DNAAF4: variants seen among roughly 807,000 people sequenced by gnomAD.
DNAAF4 encodes dynein assembly factor 4, axonemal.
DNAAF4 carries 43 observed loss-of-function variants against 51.8 expected under a neutral mutation model. The ratio of observed to expected loss-of-function variants is 0.83; its 90% CI spans 0.65 to 1.07. DNAAF4 has a LOEUF of 1.07. Among genes scored for constraint, DNAAF4 ranks in the 50% least tolerant of loss-of-function variants. The pLI is 0.00. For synonymous variants in DNAAF4, 194 were observed against 165.6 expected (o/e 1.17, Z -1.32); for missense variants, 581 against 493.0 (o/e 1.18, Z -1.69).
At chr15:55,452,148 T>C (rs2057942894) in intron 5 of DNAAF4, among the ~76,000 whole-genome samples, 1 of 143,798 alleles carries the variant, frequency 7.0e-6, no homozygotes, top group South Asian at 2.2e-4. Context: ...TTTGGGAAGC[T>C]GAGGCAGGAG....
chr15:55,451,072 G>A (rs2057925206), intron 5 of DNAAF4, among the ~76,000 whole-genome samples: 1 of 152,264 alleles, frequency 6.6e-6, no homozygotes, highest in East Asian at 1.9e-4. Context: ...CTCCAGCCTG[G>A]GCAACAGAGT....
chr15:55,460,833 C>T (rs189643931), intron 5 of DNAAF4, among the ~76,000 whole-genome samples: 13 of 151,156 alleles, frequency 8.6e-5, no homozygotes, highest in African/African-American at 3.2e-4. Flanking sequence ...GGCGTGATCT[C>T]GACTCACCGC....
intron 4 of DNAAF4, among the ~76,000 whole-genome samples, chr15:55,474,923 G>C (rs890003184): frequency 3.9e-5 from 6 of 152,168 alleles, no homozygotes; most frequent in African/African-American, 4.8e-5. Flanking sequence ...AGGTTGCAGT[G>C]AGCCAAGATC....
chr15:55,418,718 T>A, intron 7 of DNAAF4: 1 of 559,620 alleles, frequency 1.8e-6, no homozygotes, highest in South Asian at 3.1e-5. Flanking sequence ...GATAACTACA[T>A]GACAGTGACT....
chr15:55,451,878 C>T (rs1198865646), intron 5 of DNAAF4, among the ~76,000 whole-genome samples: 1 of 152,108 alleles, frequency 6.6e-6, no homozygotes, highest in Non-Finnish European at 1.5e-5. Context: ...ATCTTGGCCT[C>T]TCAAAGTGCT....
downstream of DNAAF4, among the ~76,000 whole-genome samples, chr15:55,425,562 T>C (rs2057423573): frequency 1.6e-5 from 2 of 123,568 alleles, no homozygotes; most frequent in African/African-American, 3.1e-5. Context: ...TTCCTTATTA[T>C]AAGTTACTGA....
chr15:55,432,783 T>A (rs924034511), intron 8 of DNAAF4, among the ~76,000 whole-genome samples, 181 bp from the exon 9 acceptor site: 1 of 149,468 alleles, frequency 6.7e-6, no homozygotes, highest in Non-Finnish European at 1.5e-5. Context: ...CCGTCTCTAC[T>A]AAAAAAAAAT....
intron 6 of DNAAF4, among the ~76,000 whole-genome samples, chr15:55,442,238 C>T (rs2057726015): frequency 2.0e-5 from 3 of 152,144 alleles, no homozygotes; most frequent in Middle Eastern, 3.2e-3. Context: ...CCTGCCTCAG[C>T]CTCCTGAGTA....
intron 1 of DNAAF4, among the ~76,000 whole-genome samples, chr15:55,501,531 G>A (rs1008521171): frequency 2.0e-5 from 3 of 149,478 alleles, no homozygotes; most frequent in Non-Finnish European, 3.0e-5. Flanking sequence ...GCCCGCCACC[G>A]CATCCGGCTG....
At chr15:55,434,086 T>G (rs572860957) in intron 8 of DNAAF4, among the ~76,000 whole-genome samples, 1 of 126,868 alleles carries the variant, frequency 7.9e-6, no homozygotes, top group Non-Finnish European at 1.6e-5. Flanking sequence ...CCAGAAGAGA[T>G]ATGTTGAACA....
In DNAAF4 at chr15:55,447,183, C is replaced by T. The variant is rs1329900849; in HGVS notation, c.783+3039G>A. On this transcript the variant is annotated intron_variant, in intron 6 of 9. Transcript: ENST00000321149. ...CGCTCCTCACATCCCAGATGATGGG[C>T]GGCCGGGCAGAGGCGCTCCTCACTT... Among the ~76,000 whole-genome samples the T allele has an allele frequency of 1.2e-3, 172 of 143,394 alleles. 1 individual carries two copies. Among genetic ancestry groups the T allele is most frequent in the African/African-American group, 4.2e-3 (159 of 38,136 alleles). 94.1% of individuals were successfully genotyped at this position (143,394 alleles called of 152,430 possible).
chr15:55,455,864 A>T (rs1210628150), intron 5 of DNAAF4, among the ~76,000 whole-genome samples: 5 of 149,624 alleles, frequency 3.3e-5, no homozygotes, highest in Non-Finnish European at 7.4e-5. Context: ...ATTCATAGTT[A>T]TTTTTTTTTT....
At chr15:55,467,983 C>T (rs187757259) in intron 4 of DNAAF4, among the ~76,000 whole-genome samples, 6 of 152,140 alleles carry the variant, frequency 3.9e-5, no homozygotes, top group Admixed American at 2.6e-4. Flanking sequence ...TTACCTCTAT[C>T]CACTAGAGAA....
intron 5 of DNAAF4, among the ~76,000 whole-genome samples, chr15:55,463,172 TCACACA>T (rs3221985): frequency 3.2e-4 from 45 of 140,384 alleles, no homozygotes; most frequent in South Asian, 1.4e-3. Flanking sequence ...AGACTCTGTC[TCACACA>T]CACACACACA....
chr15:55,498,921 AAAAG>A (rs2058676119), intron 1 of DNAAF4, among the ~76,000 whole-genome samples: 1 of 150,776 alleles, frequency 6.6e-6, no homozygotes, highest in Admixed American at 6.6e-5. Context: ...CAAAAAAAAA[AAAAG>A]AAAAGAAAAA....
chr15:55,432,590 A>G lies in DNAAF4; in HGVS notation c.1060T>C (p.Leu354=), dbSNP rs2057513634. Reference sequence around the variant, plus strand: ...GCATTGTCTGTAACAGGTGGCATCAATAATTCCAGTGCCTTACAAAATATA... The same window carrying G: ...GCATTGTCTGTAACAGGTGGCATCAGTAATTCCAGTGCCTTACAAAATATA... ...IEDSSKALEL[L]MPPVTDNANA... Residue 354 remains leucine, a synonymous_variant, in exon 9 of 10, where the codon TTG becomes CTG. Transcript: ENST00000321149. The G allele has an allele frequency of 1.9e-6, 3 of 1,611,154 alleles. No individual in the cohort carries two copies. The highest frequency in any genetic ancestry group is 2.7e-5 in the African/African-American group (2 of 74,880).
At chr15:55,444,201 A>G (rs979123578) in intron 6 of DNAAF4, among the ~76,000 whole-genome samples, 4 of 152,190 alleles carry the variant, frequency 2.6e-5, no homozygotes, top group Admixed American at 6.6e-5. Context: ...TCTTTCATCC[A>G]TCTTGAATTA....
intron 4 of DNAAF4, among the ~76,000 whole-genome samples, chr15:55,476,169 T>C (rs571282105): frequency 2.0e-5 from 3 of 152,260 alleles, no homozygotes; most frequent in East Asian, 1.9e-4. Flanking sequence ...ATACACTTTT[T>C]TAAAAAAGGG....
intron 5 of DNAAF4, among the ~76,000 whole-genome samples, chr15:55,452,244 T>TAAAAA (rs57692277): frequency 6.9e-4 from 37 of 53,612 alleles, no homozygotes; most frequent in South Asian, 1.3e-3. Context: ...CATGTCTCAC[T>TAAAAA]AAAAAAAAAA....
Sources: allele counts gnomAD v4.1 joint callset (sites outside exome capture counted in the v4.1 genomes callset), GRCh38; gene constraint gnomAD v4.1.1; transcripts MANE v1.5; gene names NCBI Gene and HGNC (gene_info 2026-07-23, HGNC 2026-07-21).